The following TXNRD1 variants were observed in gnomAD, a reference collection of about 807,000 sequenced individuals.
The protein encoded by TXNRD1 is thioredoxin reductase 1.
Under a neutral mutation model 80.3 loss-of-function variants are expected in TXNRD1, and 57 were observed. The ratio of observed to expected loss-of-function variants is 0.71; its 90% CI spans 0.57 to 0.89. The LOEUF is 0.89. Among genes scored for constraint, TXNRD1 ranks in the 40% least tolerant of loss-of-function variants. The pLI is 0.00. For missense variants in TXNRD1, 730 were observed against 803.0 expected (o/e 0.91, Z 1.10); for synonymous variants, 291 against 285.2 (o/e 1.02, Z -0.20).
intron 1 of TXNRD1, among the ~76,000 whole-genome samples, chr12:104,217,854 G>A (rs190954937): frequency 8.5e-5 from 13 of 152,108 alleles, no homozygotes; most frequent in Non-Finnish European, 1.6e-4. Flanking sequence ...TTTTGTGACT[G>A]GCTTGTTTCA....
intron 10 of TXNRD1, among the ~76,000 whole-genome samples, chr12:104,324,594 C>T (rs1394291666): frequency 1.3e-5 from 2 of 151,614 alleles, no homozygotes; most frequent in Non-Finnish European, 2.9e-5. Flanking sequence ...TCATGATCCT[C>T]CCGCCTCGGC....
chr12:104,346,293 G>A (rs2036489777), intron 16 of TXNRD1: 2 of 178,060 alleles, frequency 1.1e-5, no homozygotes, highest in East Asian at 1.5e-4. Context: ...GATTGCAGGC[G>A]TGAGCCACGG....
intron 9 of TXNRD1, among the ~76,000 whole-genome samples, chr12:104,320,552 A>G (rs546100665): frequency 1.3e-5 from 2 of 152,030 alleles, no homozygotes; most frequent in South Asian, 4.1e-4. Context: ...ATTCTCTAAC[A>G]TGCTTTTATG....
At chr12:104,340,726 A>G (rs1211475246) in intron 16 of TXNRD1, among the ~76,000 whole-genome samples, 2 of 152,142 alleles carry the variant, frequency 1.3e-5, no homozygotes, top group African/African-American at 2.4e-5. Context: ...CTCTAATCCA[A>G]CATGATCTCA....
chr12:104,215,984 G>A (rs2032198475), intron 1 of TXNRD1, 91 bp downstream of exon 1: 5 of 1,126,702 alleles, frequency 4.4e-6, no homozygotes, highest in Non-Finnish European at 6.4e-6. Flanking sequence ...CCGGAGCCCT[G>A]GCCTTGAAGC....
chr12:104,303,435 A>ATGGCAGCGAGCGT (rs1343732955), intron 4 of TXNRD1, among the ~76,000 whole-genome samples: 1 of 152,220 alleles, frequency 6.6e-6, no homozygotes, highest in Non-Finnish European at 1.5e-5. Context: ...GCAGTATATG[A>ATGGCAGCGAGCGT]TGGCAGCGAG....
At chr12:104,258,118 T>A in intron 3 of TXNRD1, 39 bp downstream of exon 3, 1 of 1,406,418 alleles carries the variant, frequency 7.1e-7, no homozygotes, top group Non-Finnish European at 9.8e-7. Context: ...AGCTGCTGAC[T>A]GTACATTTTA....
chr12:104,279,739 G>A (rs2135733852), intron 3 of TXNRD1, among the ~76,000 whole-genome samples: 1 of 152,228 alleles, frequency 6.6e-6, no homozygotes, highest in South Asian at 2.1e-4. Context: ...AAAACATGCT[G>A]TAATAATTTC....
intron 1 of TXNRD1, among the ~76,000 whole-genome samples, chr12:104,237,639 T>C (rs750826376): frequency 1.3e-5 from 2 of 152,214 alleles, no homozygotes; most frequent in Non-Finnish European, 2.9e-5. Context: ...TCTTAACAAG[T>C]GCTGAATATT....
chr12:104,241,056 T>C (rs188785228), intron 1 of TXNRD1, among the ~76,000 whole-genome samples: 7 of 150,670 alleles, frequency 4.6e-5, no homozygotes, highest in Admixed American at 6.6e-5. Flanking sequence ...TTTTCTTTTT[T>C]TGAGACAGAG....
At chr12:104,345,743 T>A (rs1220617974) in intron 16 of TXNRD1, among the ~76,000 whole-genome samples, 1 of 152,196 alleles carries the variant, frequency 6.6e-6, no homozygotes, top group East Asian at 1.9e-4. Flanking sequence ...GTGCCAAATA[T>A]TAAAAGTTTT....
chr12:104,247,652 GT>G (rs1170833078), intron 1 of TXNRD1, among the ~76,000 whole-genome samples: 1 of 151,846 alleles, frequency 6.6e-6, no homozygotes, highest in Non-Finnish European at 1.5e-5. Flanking sequence ...TTGTTTGTTT[GT>G]TTTTTTGGTA....
chr12:104,267,711 TTC>T (rs1178593650), intron 3 of TXNRD1, among the ~76,000 whole-genome samples: 5 of 57,470 alleles, frequency 8.7e-5, no homozygotes, highest in East Asian at 7.5e-4. Context: ...CTCTCTTTCT[TTC>T]TTTCTTTCTC....
intron 15 of TXNRD1, among the ~76,000 whole-genome samples, chr12:104,336,562 T>G (rs1175997657): frequency 6.6e-6 from 1 of 152,236 alleles, no homozygotes; most frequent in Non-Finnish European, 1.5e-5. Context: ...TCTGCTATTT[T>G]ATTTTTTTTT....
chr12:104,287,856 T>G (rs542303195), intron 3 of TXNRD1, among the ~76,000 whole-genome samples: 1 of 152,352 alleles, frequency 6.6e-6, no homozygotes. Flanking sequence ...TGTCTGTAAG[T>G]TGGGCCTGGT....
intron 3 of TXNRD1, among the ~76,000 whole-genome samples, chr12:104,273,297 T>A (rs761030138): frequency 1.8e-4 from 27 of 152,078 alleles, no homozygotes; most frequent in Non-Finnish European, 3.7e-4. Flanking sequence ...AGACCACCAT[T>A]AACAAGAATG....
At chr12:104,342,833 G>A (rs961028899) in intron 16 of TXNRD1, among the ~76,000 whole-genome samples, 5 of 152,144 alleles carry the variant, frequency 3.3e-5, no homozygotes, top group Non-Finnish European at 7.3e-5. Context: ...CAGCTGCACC[G>A]TGGAAGCGGG....
At chr12:104,342,493 G>A (rs2036359712) in intron 16 of TXNRD1, among the ~76,000 whole-genome samples, 1 of 152,138 alleles carries the variant, frequency 6.6e-6, no homozygotes, top group Non-Finnish European at 1.5e-5. Context: ...GGATGATTCT[G>A]GAGGGAGTTC....
intron 1 of TXNRD1, among the ~76,000 whole-genome samples, chr12:104,242,527 G>A (rs1460767517): frequency 6.6e-6 from 1 of 151,094 alleles, no homozygotes; most frequent in Non-Finnish European, 1.5e-5. Context: ...CAGCATGGGC[G>A]ACAAGAGTGA....
Sources: gnomAD v4.1 joint callset for allele counts (sites outside exome capture counted in the v4.1 genomes callset) on GRCh38, gnomAD v4.1.1 for gene constraint, MANE v1.5 for transcripts, NCBI Gene and HGNC (gene_info 2026-07-23, HGNC 2026-07-21) for gene names.